The following PRAMEF2 variants were observed in gnomAD, a reference collection of about 807,000 sequenced individuals.
PRAMEF2 encodes the protein PRAME family member 2.
A neutral mutation model predicts 38.0 loss-of-function variants in PRAMEF2; 35 were observed. The ratio of observed to expected loss-of-function variants is 0.92; its 90% confidence interval spans 0.70 to 1.22. The LOEUF is 1.22. Among genes scored for constraint, PRAMEF2 ranks in the 50% most tolerant of loss-of-function variants. The pLI is 0.00. For missense variants in PRAMEF2, 562 were observed against 553.9 expected, an observed-to-expected ratio of 1.01 and a Z score of -0.15; for synonymous variants, 240 against 232.4, an observed-to-expected ratio of 1.03 and a Z score of -0.30.
intron 1 of PRAMEF2, 37 bp from the exon 2 acceptor site, chr1:12,858,948 C>A: frequency 4.5e-6 from 7 of 1,569,356 alleles, no homozygotes; most frequent in Non-Finnish European, 6.0e-6. Flanking sequence ...TGTGTTTGCC[C>A]TGAGAGTGAT....
chr1:12,861,138 G>A (rs1569850294), intron 3 of PRAMEF2, 83 bp from the exon 4 acceptor site: 1 of 1,446,314 alleles, frequency 6.9e-7, no homozygotes, highest in Non-Finnish European at 9.5e-7. Flanking sequence ...TTTGGTTGAA[G>A]CAGGTATTTT....
rs1640528983 is a variant in PRAMEF2 at position 12,860,439 on chromosome 1, C to T, written c.866+168C>T. On this transcript the variant is annotated intron_variant, in intron 3 of 3. Coordinates refer to ENST00000240189, the MANE Select transcript of PRAMEF2 (RefSeq NM_023014.1). ...TTCAGTGTTCCATGTCCTGGAGTGG[C>T]TATCACAGGATCGCTCCAATAAGGG... Among the ~76,000 whole-genome samples, 5 of 150,102 alleles carry T rather than the reference C, an allele frequency of 3.3e-5. 1 individual carries two copies. In the Admixed American group the frequency reaches 3.4e-4, roughly 10 times the overall value.
intron 1 of PRAMEF2, among the ~76,000 whole-genome samples, chr1:12,858,141 G>A (rs1292858625): frequency 6.7e-6 from 1 of 149,948 alleles, no homozygotes; most frequent in Non-Finnish European, 1.5e-5. Flanking sequence ...CCTGAGCTGG[G>A]CTCCCTGGAA....
rs771639514 is a variant in PRAMEF2, at chr1:12,861,415, T to C, written c.1061T>C (p.Leu354Pro). 3.7e-6 allele frequency: 6 copies of C among 1,602,520 alleles called. 1 individual carries two copies. In the Admixed American group the frequency reaches 6.9e-5, roughly 18 times the overall value. ...AAAATTGCTGCCTCTCTCGAGACCC[T>C]CGTGTTAGAGGGCTGTCAGATCCAC... is the stretch of plus-strand genomic sequence containing the variant. ...LEKIAASLET[L>P]VLEGCQIHYS... The change falls in exon 4 of 4, where the codon CTC (leucine) becomes CCC (proline). Residue 354 changes from leucine (L) to proline (P), a missense_variant. Physicochemically the swap from Leu to Pro is moderately conservative, Grantham distance 98 (BLOSUM62 -3). This residue lies in a region of PRAMEF2 where 486 missense variants were observed against 444.2 expected (regional missense o/e 1.09). Transcript: ENST00000240189.
At position 12,860,251 on chromosome 1, in the gene PRAMEF2, G is replaced by A. The variant is rs749970229; in HGVS notation, c.846G>A (p.Gly282=). Residue 282 remains glycine (G), a synonymous_variant, in exon 3 of 4, where the codon GGG becomes GGA. Transcript: ENST00000240189. ...TAAAATTGATCACCTTCTTCAGTGG[G>A]CACCTGGAACAGCTGATCAGGTGAG... ...LKIKLITFFS[G]HLEQLIRCLQ... 1.9e-6 allele frequency: 3 copies of A among 1,606,846 alleles called. No individual in the cohort carries two copies. The highest frequency in any genetic ancestry group is 2.2e-5 in the South Asian group (2 of 90,516).
Position 12,859,680 on chromosome 1 carries a change from A to G in PRAMEF2, c.288-13A>G. ...CCTCTAAATTCTGAGCCTCTCCCTT[A>G]CTTTACCCACAGGAGGTGGAAACTT... On this transcript the variant is annotated splice_polypyrimidine_tract_variant and intron_variant, in intron 2 of 3. Transcript: ENST00000240189. 1 of 1,605,954 alleles carries G rather than the reference A, an allele frequency of 6.2e-7. No individual in the cohort carries two copies. Among genetic ancestry groups the G allele is most frequent in the Non-Finnish European group, 8.5e-7 (1 of 1,176,772 alleles).
chr1:12,859,346 A>G (rs1316874271), intron 2 of PRAMEF2, 50 bp downstream of exon 2: 1 of 1,606,238 alleles, frequency 6.2e-7, no homozygotes, highest in African/African-American at 1.3e-5. Context: ...GTCCAGGGAA[A>G]GAACAGCAGG....
chr1:12,858,290 G>T lies in PRAMEF2; in HGVS notation c.-25-695G>T, dbSNP rs1287385557. On this transcript the variant is annotated intron_variant, in intron 1 of 3. Coordinates refer to ENST00000240189, the MANE Select transcript of PRAMEF2 (RefSeq NM_023014.1). ...GTTTATTTTTGAGTCAGAGTCCAAC[G>T]CTGTCACCCAGGCTGGAGTGCAGTG... is the stretch of plus-strand genomic sequence containing the variant. Among the ~76,000 whole-genome samples the T allele has an allele frequency of 5.4e-5, 8 of 149,286 alleles. No individual in the cohort carries two copies. The East Asian group carries it at 9.8e-4, about 18-fold the overall frequency.
rs1314337521 is a variant in PRAMEF2 at position 12,859,854 on chromosome 1, T to A, written c.449T>A (p.Phe150Tyr). 3 of 1,607,418 alleles carry A rather than the reference T, an allele frequency of 1.9e-6. No homozygotes were observed. The South Asian group carries it at 3.3e-5, about 18-fold the overall frequency. Residue 150 changes from phenylalanine (F) to tyrosine (Y), a missense_variant, in exon 3 of 4, where the codon TTC (phenylalanine) becomes TAC (tyrosine). By Grantham distance (22) the Phe-to-Tyr change is conservative (BLOSUM62 3). Transcript: ENST00000240189. The stretch of plus-strand genomic sequence containing the variant: ...GGAGAGCACCAGCCCTTAAAGGTGT[T>A]CATAGACATCTGCCTCAAGGAAATA... ...RTGEHQPLKV[F>Y]IDICLKEIPQ...
chr1:12,859,537 GA>G (rs1441506625), intron 2 of PRAMEF2, among the ~76,000 whole-genome samples, 155 bp from the exon 3 acceptor site: 6 of 151,186 alleles, frequency 4.0e-5, no homozygotes, highest in African/African-American at 1.5e-4. Flanking sequence ...TAGAAGTGGG[GA>G]CCACTCAGAA....
rs372467473 is a variant in PRAMEF2 at position 12,861,445 on chromosome 1, C to G, written c.1091C>G (p.Ser364Cys). The G allele has an allele frequency of 1.1e-5, 17 of 1,604,418 alleles. 2 individuals are homozygous for G. In the African/African-American group the frequency reaches 1.2e-4, roughly 11 times the overall value. Residue 364 changes from serine to cysteine, a missense_variant, in exon 4 of 4, where the codon TCC (serine) becomes TGC (cysteine). Transcript: ENST00000240189. ...LVLEGCQIHY[S>C]QLSAILPGLS... ...TTAGAGGGCTGTCAGATCCACTACT[C>G]CCAACTCAGTGCCATCCTGCCTGGC...
At position 12,860,195 on chromosome 1, in the gene PRAMEF2, C is replaced by G; in HGVS notation, c.790C>G (p.Leu264Val). Residue 264 changes from leucine (L) to valine (V), a missense_variant, in exon 3 of 4, where the codon CTC (leucine) becomes GTC (valine). Coordinates refer to ENST00000240189, the MANE Select transcript of PRAMEF2 (RefSeq NM_023014.1). ...AGTCACCAGATTCACCTCTGTGTTC[C>G]TCAGGCTGGAACACCTCCAGTTGCT... ...WLVTRFTSVF[L>V]RLEHLQLLKI... The G allele has an allele frequency of 6.2e-7, 1 of 1,606,912 alleles. No homozygotes were observed. Among genetic ancestry groups the G allele is most frequent in the Admixed American group, 1.7e-5 (1 of 58,110 alleles).
In PRAMEF2 at chr1:12,859,043, C is replaced by T. The variant is rs755280797; in HGVS notation, c.34C>T (p.Leu12=). 1 of 1,604,130 alleles carries T rather than the reference C, an allele frequency of 6.2e-7. No homozygotes were observed. The highest frequency in any genetic ancestry group is 8.5e-7 in the Non-Finnish European group (1 of 1,176,376). ...SIQAPPRLLE[L]AGQSLLRDQA... ...CCAGGCCCCACCGAGACTACTGGAG[C>T]TGGCGGGGCAGAGCCTGCTGAGAGA... Residue 12 remains leucine (L), a synonymous_variant, in exon 2 of 4, where the codon CTG becomes TTG. Transcript: ENST00000240189.
chr1:12,859,625 G>A (rs1369589129), intron 2 of PRAMEF2, 68 bp from the exon 3 acceptor site: 1 of 1,593,988 alleles, frequency 6.3e-7, no homozygotes, highest in Non-Finnish European at 8.6e-7. Context: ...TTTATGGGAT[G>A]AGAATGAAAG....
intron 3 of PRAMEF2, 145 bp from the exon 4 acceptor site, chr1:12,861,076 C>T (rs561194287): frequency 1.1e-5 from 11 of 988,006 alleles, no homozygotes; most frequent in Admixed American, 8.3e-5. Flanking sequence ...GGGTCCTCAT[C>T]ATGCAGCAAC....
chr1:12,858,977 T>A lies in PRAMEF2; in HGVS notation c.-25-8T>A, dbSNP rs1640491748. 2 of 1,593,394 alleles carry A rather than the reference T, an allele frequency of 1.3e-6. No individual in the cohort carries two copies. Among genetic ancestry groups the A allele is most frequent in the Non-Finnish European group, 1.7e-6 (2 of 1,171,912 alleles). On this transcript the variant is annotated splice_polypyrimidine_tract_variant and splice_region_variant and intron_variant, in intron 1 of 3. Transcript: ENST00000240189. ...GAGTGATACATTCTCCCTGGATTTG[T>A]CTTCTAGAGATTTTTCTTGCAGATC...
intron 3 of PRAMEF2, among the ~76,000 whole-genome samples, 180 bp downstream of exon 3, chr1:12,860,451 C>G (rs1368857513): frequency 6.7e-6 from 1 of 150,004 alleles, no homozygotes; most frequent in Non-Finnish European, 1.5e-5. Context: ...ATCACAGGAT[C>G]GCTCCAATAA....
In PRAMEF2 at chr1:12,859,824, G is replaced by T. The variant is rs145302602; in HGVS notation, c.419G>T (p.Arg140Met). Residue 140 changes from arginine to methionine, a missense_variant, in exon 3 of 4, where the codon AGG becomes ATG. By Grantham distance (91) the Arg-to-Met change is moderately conservative. Transcript: ENST00000240189. Reference sequence around the variant, plus strand: ...AGGCAGACAGCAGAGGACTGTCCAAGGACGGGAGAGCACCAGCCCTTAAAG... The same window carrying T: ...AGGCAGACAGCAGAGGACTGTCCAATGACGGGAGAGCACCAGCCCTTAAAG... Reference protein sequence around the residue: ...SKRQTAEDCPRTGEHQPLKVF... With the variant: ...SKRQTAEDCPMTGEHQPLKVF... 9.9e-5 allele frequency: 159 copies of T among 1,607,594 alleles called. 5 individuals carry two copies. The Middle Eastern group carries it at 1.5e-3, about 15-fold the overall frequency.
intron 1 of PRAMEF2, 35 bp from the exon 2 acceptor site, chr1:12,858,950 G>C: frequency 1.3e-6 from 2 of 1,571,586 alleles, no homozygotes; most frequent in South Asian, 2.3e-5. Flanking sequence ...TGTTTGCCCT[G>C]AGAGTGATAC....
Sources: gnomAD v4.1 joint callset for allele counts (sites outside exome capture counted in the v4.1 genomes callset) on GRCh38, gnomAD v4.1.1 for gene constraint, gnomAD v4.1.1 regional missense constraint, MANE v1.5 for transcripts, NCBI Gene and HGNC (gene_info 2026-07-23, HGNC 2026-07-21) for gene names.